ASB18: variants seen among roughly 807,000 people sequenced by gnomAD.
The protein encoded by ASB18 is ankyrin repeat and SOCS box containing 18.
A neutral mutation model predicts 33.4 loss-of-function variants in ASB18; 33 were observed. That is an observed-to-expected ratio of 0.99 (90% CI 0.75 to 1.32). The LOEUF is 1.32. Among genes scored for constraint, ASB18 ranks in the 40% most tolerant of loss-of-function variants. The probability of loss-of-function intolerance (pLI) is 0.00; values close to 1 mark genes in which losing one functional copy is unlikely to be tolerated. For missense variants in ASB18, 694 were observed against 655.5 expected (o/e 1.06, Z -0.64); for synonymous variants, 295 against 307.6 (o/e 0.96, Z 0.43).
intron 3 of ASB18, among the ~76,000 whole-genome samples, chr2:236,236,116 G>A (rs556899110): frequency 1.3e-5 from 2 of 152,274 alleles, no homozygotes; most frequent in Admixed American, 1.3e-4. Context: ...AAAAGACCCA[G>A]ACTGGAAACA....
chr2:236,242,124 A>G (rs2060623947), intron 1 of ASB18, among the ~76,000 whole-genome samples: 1 of 152,214 alleles, frequency 6.6e-6, no homozygotes, highest in South Asian at 2.1e-4. Context: ...CCCAATAACA[A>G]CCACATGAAG....
In ASB18 at chr2:236,203,959, G is replaced by A. The variant is rs992294625; in HGVS notation, c.1102-7574C>T. Reference sequence around the variant, plus strand: ...GCTGGATCTGGGGAATAGTTTAGAGGAGACAGAGAGCCCAGTGAAGAAGAT... The same window carrying A: ...GCTGGATCTGGGGAATAGTTTAGAGAAGACAGAGAGCCCAGTGAAGAAGAT... On this transcript the variant is annotated intron_variant, in intron 4 of 5. Coordinates refer to ENST00000409749, the MANE Select transcript of ASB18 (RefSeq NM_212556.4). The surrounding 1 kb of genome is among the most constrained non-coding windows in gnomAD (Gnocchi z 6.0). Among the ~76,000 whole-genome samples the A allele has an allele frequency of 6.6e-6, 1 of 152,192 alleles. No homozygotes were observed. Among genetic ancestry groups the A allele is most frequent in the Non-Finnish European group, 1.5e-5 (1 of 68,032 alleles).
chr2:236,213,563 G>C lies in ASB18; in HGVS notation c.1101+799C>G, dbSNP rs1185895344. On this transcript the variant is annotated intron_variant, in intron 4 of 5. Coordinates refer to ENST00000409749, the MANE Select transcript of ASB18 (RefSeq NM_212556.4). The surrounding 1 kb of genome is among the most constrained non-coding windows in gnomAD (Gnocchi z 4.8). Reference sequence around the variant, plus strand: ...TCCCTTCAATGAAGTCTTTTCGGGAGGACAACCTGTTACTCCAGCCAATAT... The same window carrying C: ...TCCCTTCAATGAAGTCTTTTCGGGACGACAACCTGTTACTCCAGCCAATAT... 1.3e-5 allele frequency: 2 copies of C among 152,190 alleles called. No individual in the cohort carries two copies. Among genetic ancestry groups the C allele is most frequent in the East Asian group, 3.8e-4 (2 of 5,200 alleles). The allele number at this position is 152,190 out of a possible 1,614,324, so 9.4% of individuals were successfully genotyped here. A position where few individuals can be genotyped will look rare whatever the true frequency, so the allele number is the denominator to read the frequency against.
chr2:236,234,124 C>T lies in ASB18; in HGVS notation c.596+3565G>A, dbSNP rs1221908009. Among the ~76,000 whole-genome samples the T allele has an allele frequency of 6.6e-6, 1 of 152,194 alleles. No individual in the cohort carries two copies. The highest frequency in any genetic ancestry group is 2.4e-5 in the African/African-American group (1 of 41,446). On this transcript the variant is annotated intron_variant, in intron 3 of 5. Transcript: ENST00000409749. This position sits in a 1 kb window ranked among gnomAD's most constrained non-coding sequence, Gnocchi z 4.1. ...GCACCTTGGTGACCCTGCACATATC[C>T]ACATAGGCCACAAAGCAAAACTGGA...
Position 236,196,336 on chromosome 2 carries a change from T to G in ASB18, c.1151A>C (p.Asn384Thr). 1 of 1,567,554 alleles carries G rather than the reference T, an allele frequency of 6.4e-7. No individual in the cohort carries two copies. Residue 384 changes from asparagine to threonine, a missense_variant, in exon 5 of 6, where the codon AAC becomes ACC. Coordinates refer to ENST00000409749, the MANE Select transcript of ASB18 (RefSeq NM_212556.4). This position sits in a 1 kb window ranked among gnomAD's most constrained non-coding sequence, Gnocchi z 5.6. ...TGACAAGCAGAGCTGAGGGTAGGAG[T>G]TGAAAAGCACCTCGATGACTGCGGG... ...SVPAVIEVLF[N>T]SYPQLCLSES... is the part of the protein sequence containing the mutation.
intron 4 of ASB18, among the ~76,000 whole-genome samples, chr2:236,202,870 G>A (rs1224323341): frequency 6.7e-6 from 1 of 149,322 alleles, no homozygotes; most frequent in Non-Finnish European, 1.5e-5. Context: ...TTCCGGATAT[G>A]CCATCATCCT....
chr2:236,261,077 G>A (rs1158096390), intron 1 of ASB18, among the ~76,000 whole-genome samples: 1 of 152,132 alleles, frequency 6.6e-6, no homozygotes, highest in East Asian at 1.9e-4. Flanking sequence ...TATCTTAGCT[G>A]GTGGCCCTAT....
Position 236,257,205 on chromosome 2 carries a change from G to A in ASB18, c.205+6936C>T, listed in dbSNP as rs1344571737. 6.6e-6 allele frequency among the ~76,000 whole-genome samples: 1 copy of A among 152,190 alleles called. No individual in the cohort carries two copies. The highest frequency in any genetic ancestry group is 1.5e-5 in the Non-Finnish European group (1 of 68,032). On this transcript the variant is annotated intron_variant, in intron 1 of 5. Transcript: ENST00000409749. The surrounding 1 kb of genome is among the most constrained non-coding windows in gnomAD (Gnocchi z 5.5). ...GTGCATAATTCCGGATCTTTTCCTG[G>A]CTTGTGAATCAAAGTAATAAGAGCA...
rs114236318 is a variant in ASB18, at chr2:236,241,557, C to T, written c.206-155G>A. On this transcript the variant is annotated intron_variant, in intron 1 of 5. Transcript: ENST00000409749. The surrounding 1 kb of genome is among the most constrained non-coding windows in gnomAD (Gnocchi z 4.2). ...CGATTTCAGAAGAGTTCTTCAGGAA[C>T]GGGAAAGATGGTCTTATGGAGTGTG... The T allele has an allele frequency of 4.4e-3, 3,694 of 845,248 alleles. 77 individuals are homozygous for T. In the African/African-American group the frequency reaches 0.052, roughly 12 times the overall value. The allele number at this position is 845,248 out of a possible 1,614,324, so 52.4% of individuals were successfully genotyped here. A position where few individuals can be genotyped will look rare whatever the true frequency, so the allele number is the denominator to read the frequency against.
intron 3 of ASB18, among the ~76,000 whole-genome samples, chr2:236,236,455 G>T (rs561760688): frequency 6.4e-4 from 97 of 152,276 alleles, no homozygotes; most frequent in African/African-American, 2.1e-3. Context: ...GGACTGCGGG[G>T]TGTTGCACGA....
rs927581635 is a variant in ASB18, at chr2:236,216,227, G to C, written c.597-1361C>G. Among the ~76,000 whole-genome samples the C allele has an allele frequency of 6.6e-6, 1 of 152,176 alleles. No individual in the cohort carries two copies. Among genetic ancestry groups the C allele is most frequent in the African/African-American group, 2.4e-5 (1 of 41,430 alleles). On this transcript the variant is annotated intron_variant, in intron 3 of 5. Transcript: ENST00000409749. The surrounding 1 kb of genome is among the most constrained non-coding windows in gnomAD (Gnocchi z 6.1). ...GTTAACTGATATCTTTCAGTGTTAA[G>C]GCCACCTCCTCATGCCTTGCTCTCC...
In ASB18 at chr2:236,234,897, G is replaced by C. The variant is rs2060581697; in HGVS notation, c.596+2792C>G. On this transcript the variant is annotated intron_variant, in intron 3 of 5. Coordinates refer to ENST00000409749, the MANE Select transcript of ASB18 (RefSeq NM_212556.4). The surrounding 1 kb of genome is among the most constrained non-coding windows in gnomAD (Gnocchi z 4.1). ...CTTGGGTTAGGCAGATTTTTTTTTA[G>C]ATATCATAACCCAACCTAATCCTTA... Among the ~76,000 whole-genome samples, 1 of 151,968 alleles carries C rather than the reference G, an allele frequency of 6.6e-6. No individual in the cohort carries two copies. Among genetic ancestry groups the C allele is most frequent in the Non-Finnish European group, 1.5e-5 (1 of 67,998 alleles).
rs1160137067 is a variant in ASB18, at chr2:236,215,871, C to T, written c.597-1005G>A. On this transcript the variant is annotated intron_variant, in intron 3 of 5. Coordinates refer to ENST00000409749, the MANE Select transcript of ASB18 (RefSeq NM_212556.4). The surrounding 1 kb of genome is among the most constrained non-coding windows in gnomAD (Gnocchi z 7.2). Reference sequence around the variant, plus strand: ...CAGCCTTGGAAGTCTGCAAACATGCCGACTTCAGACTACAGCCCTAGTCCT... The same window carrying T: ...CAGCCTTGGAAGTCTGCAAACATGCTGACTTCAGACTACAGCCCTAGTCCT... Among the ~76,000 whole-genome samples, 2 of 152,190 alleles carry T rather than the reference C, an allele frequency of 1.3e-5. No individual in the cohort carries two copies. The highest frequency in any genetic ancestry group is 2.9e-5 in the Non-Finnish European group (2 of 68,030).
In ASB18 at chr2:236,241,183, G is replaced by A; in HGVS notation, c.328+97C>T. 1 of 1,227,322 alleles carries A rather than the reference G, an allele frequency of 8.1e-7. No individual in the cohort carries two copies. Among genetic ancestry groups the A allele is most frequent in the East Asian group, 2.3e-5 (1 of 42,804 alleles). The allele number at this position is 1,227,322 out of a possible 1,614,324, so 76.0% of individuals were successfully genotyped here. ...TTTTCTTGTGTACGTTAAACCCAGT[G>A]CCACTGTGCCCAGTCTACACACGGG... On this transcript the variant is annotated intron_variant, in intron 2 of 5. Transcript: ENST00000409749. This position sits in a 1 kb window ranked among gnomAD's most constrained non-coding sequence, Gnocchi z 4.2.
intron 4 of ASB18, among the ~76,000 whole-genome samples, chr2:236,202,443 T>C (rs1530956): frequency 0.17 from 25,916 of 151,768 alleles, 2,224 homozygotes; most frequent in South Asian, 0.25. Flanking sequence ...TGTACATGTT[T>C]GTATTTTCTT....
intron 1 of ASB18, among the ~76,000 whole-genome samples, chr2:236,254,696 G>A (rs1433875821): frequency 6.6e-6 from 1 of 151,574 alleles, no homozygotes; most frequent in Non-Finnish European, 1.5e-5. Flanking sequence ...CAAATTTGCC[G>A]GCTCTGTCTT....
rs965813948 is a variant in ASB18 at position 236,213,205 on chromosome 2, G to T, written c.1101+1157C>A. Among the ~76,000 whole-genome samples the T allele has an allele frequency of 3.9e-5, 6 of 152,092 alleles. No homozygotes were observed. Among genetic ancestry groups the T allele is most frequent in the African/African-American group, 1.2e-4 (5 of 41,416 alleles). The stretch of plus-strand genomic sequence containing the variant: ...GCACCACAAGACAATTACCCAAAGA[G>T]GGGGTGAGACAGCATCGGGAAAGTG... On this transcript the variant is annotated intron_variant, in intron 4 of 5. Transcript: ENST00000409749. This position sits in a 1 kb window ranked among gnomAD's most constrained non-coding sequence, Gnocchi z 4.8.
rs1358195293 is a variant in ASB18 at position 236,203,303 on chromosome 2, G to A, written c.1102-6918C>T. On this transcript the variant is annotated intron_variant, in intron 4 of 5. Transcript: ENST00000409749. The surrounding 1 kb of genome is among the most constrained non-coding windows in gnomAD (Gnocchi z 6.0). ...AAGCCGAGACCTGGCTCTGGAGCAG[G>A]AGTTAGCAGGGGGAAAAAAAGGCAT... 2.0e-5 allele frequency among the ~76,000 whole-genome samples: 3 copies of A among 152,190 alleles called. No individual in the cohort carries two copies. The highest frequency in any genetic ancestry group is 4.4e-5 in the Non-Finnish European group (3 of 68,032).
rs1353113608 is a variant in ASB18 at position 236,195,744 on chromosome 2, G to A, written c.1215+528C>T. 1.3e-5 allele frequency among the ~76,000 whole-genome samples: 2 copies of A among 152,140 alleles called. No individual in the cohort carries two copies. The highest frequency in any genetic ancestry group is 3.9e-4 in the East Asian group (2 of 5,180). On this transcript the variant is annotated intron_variant, in intron 5 of 5. Coordinates refer to ENST00000409749, the MANE Select transcript of ASB18 (RefSeq NM_212556.4). This position sits in a 1 kb window ranked among gnomAD's most constrained non-coding sequence, Gnocchi z 5.5. ...TTGGCCAGTCTGGTCTTGAACTCCT[G>A]ACCTCAAGCGATCTGCCTGCCTTGG...
Sources: allele counts gnomAD v4.1 joint callset (sites outside exome capture counted in the v4.1 genomes callset), GRCh38; gene constraint gnomAD v4.1.1; non-coding constraint Gnocchi (gnomAD v3.1); transcripts MANE v1.5; gene names NCBI Gene and HGNC (gene_info 2026-07-23, HGNC 2026-07-21).